RBKS: variants seen among roughly 807,000 people sequenced by gnomAD.
RBKS encodes ribokinase.
RBKS carries 33 observed loss-of-function variants against 33.9 expected under a neutral mutation model. That is an observed-to-expected ratio of 0.97 (90% confidence interval 0.74 to 1.30). RBKS has a LOEUF of 1.30. Among genes scored for constraint, RBKS ranks in the 50% most tolerant of loss-of-function variants. The pLI, the probability that RBKS is intolerant of heterozygous loss-of-function variation, is 0.00. For synonymous variants in RBKS, 125 were observed against 143.0 expected (o/e 0.87, Z 0.90); for missense variants, 361 against 392.6 (o/e 0.92, Z 0.68).
At chr2:27,840,835 T>A (rs1294418336) in intron 5 of RBKS, among the ~76,000 whole-genome samples, 1 of 152,136 alleles carries the variant, frequency 6.6e-6, no homozygotes, top group Admixed American at 6.5e-5. Context: ...AACCTCTCAG[T>A]CTCAGTCTTC....
chr2:27,872,174 T>C (rs6753234), intron 1 of RBKS, among the ~76,000 whole-genome samples: 12,480 of 152,204 alleles, frequency 0.082, 802 homozygotes, highest in African/African-American at 0.17. Flanking sequence ...TACTGGTCTG[T>C]GGCCCAGGGG....
In RBKS at chr2:27,832,795, A is replaced by AG; in HGVS notation, c.515-19dup. The AG allele has an allele frequency of 6.7e-7, 1 of 1,491,174 alleles. No individual in the cohort carries two copies. The highest frequency in any genetic ancestry group is 9.4e-7 in the Non-Finnish European group (1 of 1,068,092). 92.4% of individuals were successfully genotyped at this position (1,491,174 alleles called of 1,614,324 possible). A position where few individuals can be genotyped will look rare whatever the true frequency, so the allele number is the denominator to read the frequency against. On this transcript the variant is annotated intron_variant, in intron 5 of 7. Coordinates refer to ENST00000302188, the MANE Select transcript of RBKS (RefSeq NM_022128.3). ...GGTTTTCACTACAAAGGAATGGAAA[A>AG]GGGGGTTATTATTAGTTTTCATTTT...
chr2:27,854,598 C>T (rs1282044330), intron 2 of RBKS, among the ~76,000 whole-genome samples: 3 of 152,156 alleles, frequency 2.0e-5, no homozygotes, highest in Non-Finnish European at 4.4e-5. Context: ...ATTCCCCACC[C>T]TTTTTCCAAA....
chr2:27,853,631 C>T (rs754457452), intron 2 of RBKS, among the ~76,000 whole-genome samples: 4 of 152,088 alleles, frequency 2.6e-5, no homozygotes, highest in East Asian at 1.9e-4. Context: ...GCACTCTAGC[C>T]TGGGCAACAG....
At position 27,843,109 on chromosome 2, in the gene RBKS, C is replaced by A; in HGVS notation, c.472G>T (p.Ala158Ser). ...VMVCQLEITP[A>S]TSLEALTMAR... Reference sequence around the variant, plus strand: ...ATTGTTAGGGCTTCCAAAGAAGTTGCTGGAGTTATTTCGAGCTGGCAGACC... The same window carrying A: ...ATTGTTAGGGCTTCCAAAGAAGTTGATGGAGTTATTTCGAGCTGGCAGACC... Residue 158 changes from alanine to serine, a missense_variant, in exon 5 of 8, where the codon GCA becomes TCA. Ala to Ser is a moderately conservative substitution (Grantham distance 99). Transcript: ENST00000302188. 6.2e-7 allele frequency: 1 copy of A among 1,609,916 alleles called. No individual in the cohort carries two copies. Among genetic ancestry groups the A allele is most frequent in the Non-Finnish European group, 8.5e-7 (1 of 1,177,866 alleles).
chr2:27,807,207 AGT>A (rs1200845499), intron 7 of RBKS, among the ~76,000 whole-genome samples: 1 of 152,228 alleles, frequency 6.6e-6, no homozygotes, highest in Non-Finnish European at 1.5e-5. Context: ...AATTCTCACA[AGT>A]GTACAGGAAC....
intron 7 of RBKS, among the ~76,000 whole-genome samples, chr2:27,784,044 C>T (rs1336810601): frequency 1.1e-5 from 1 of 87,508 alleles, no homozygotes; most frequent in Non-Finnish European, 2.0e-5. Context: ...AGTGCAGTGG[C>T]GGGATCTCGG....
At chr2:27,803,027 T>G (rs547907025) in intron 7 of RBKS, among the ~76,000 whole-genome samples, 140 of 152,332 alleles carry the variant, frequency 9.2e-4, no homozygotes, top group African/African-American at 3.3e-3. Flanking sequence ...ACAGAGTCTC[T>G]CTTTGTTGCC....
chr2:27,887,091 TAAAG>T (rs778864052), intron 1 of RBKS, among the ~76,000 whole-genome samples: 8 of 152,204 alleles, frequency 5.3e-5, no homozygotes, highest in Non-Finnish European at 7.3e-5. Context: ...CACCATAAAA[TAAAG>T]AGATTATTCT....
intron 7 of RBKS, chr2:27,782,558 C>G: frequency 2.2e-6 from 1 of 452,516 alleles, no homozygotes; most frequent in South Asian, 1.6e-5. Context: ...GGGATATGTC[C>G]GTTTTTCTTA....
intron 1 of RBKS, among the ~76,000 whole-genome samples, chr2:27,887,493 G>A (rs998244050): frequency 4.6e-5 from 7 of 152,282 alleles, no homozygotes; most frequent in African/African-American, 1.7e-4. Context: ...AACTAGAAAA[G>A]TTGCACCCAA....
At chr2:27,872,181 G>C (rs1215547782) in intron 1 of RBKS, among the ~76,000 whole-genome samples, 1 of 152,114 alleles carries the variant, frequency 6.6e-6, no homozygotes, top group Non-Finnish European at 1.5e-5. Context: ...CTGTGGCCCA[G>C]GGGTTGGGGA....
chr2:27,834,846 T>A (rs536990323), intron 5 of RBKS, among the ~76,000 whole-genome samples: 33 of 152,316 alleles, frequency 2.2e-4, no homozygotes, highest in Admixed American at 9.8e-4. Flanking sequence ...AGATGCATGA[T>A]CCTGTAATTC....
intron 2 of RBKS, among the ~76,000 whole-genome samples, chr2:27,851,189 A>G (rs1663739010): frequency 1.3e-5 from 2 of 152,198 alleles, no homozygotes; most frequent in Admixed American, 6.5e-5. Flanking sequence ...GGATATATCA[A>G]TAGAAAGAAA....
chr2:27,831,930 A>C (rs1286520954), intron 6 of RBKS, among the ~76,000 whole-genome samples: 1 of 152,196 alleles, frequency 6.6e-6, no homozygotes, highest in Non-Finnish European at 1.5e-5. Context: ...CAAAAAGTAG[A>C]AATTTAACTA....
At chr2:27,855,026 C>T (rs1663827773) in intron 2 of RBKS, among the ~76,000 whole-genome samples, 1 of 152,128 alleles carries the variant, frequency 6.6e-6, no homozygotes, top group Admixed American at 6.5e-5. Flanking sequence ...AGGTAGATCT[C>T]AAGTTAAGTG....
At chr2:27,809,788 TAC>T (rs1214407142) in intron 7 of RBKS, 5 of 444,180 alleles carry the variant, frequency 1.1e-5, no homozygotes, top group Non-Finnish European at 1.9e-5. Context: ...TGCTAAATAA[TAC>T]AGAGCTACCA....
Position 27,827,624 on chromosome 2 carries a change from CTG to C in RBKS, c.736_737del (p.Gln246AspfsTer4). 2 of 1,613,016 alleles carry C rather than the reference CTG, an allele frequency of 1.2e-6. No homozygotes were observed. Among genetic ancestry groups the C allele is most frequent in the Non-Finnish European group, 1.7e-6 (2 of 1,179,610 alleles). ...GAATGTGCTTTGGCTCAGGTTCTGT[CTG>C]TGACAGCACCACACATCCTTCAGCC... ...LGAEGCVVLS[Q>X]TEPEPKHIPT... On this transcript the variant is annotated frameshift_variant, in exon 7 of 8. Coordinates refer to ENST00000302188, the MANE Select transcript of RBKS (RefSeq NM_022128.3). LOFTEE classifies it high-confidence loss of function.
chr2:27,823,117 G>A (rs976653233), intron 7 of RBKS, among the ~76,000 whole-genome samples: 24 of 152,264 alleles, frequency 1.6e-4, no homozygotes, highest in African/African-American at 5.8e-4. Context: ...CATTCAGGTT[G>A]GAAGAAGAGA....
Sources: gnomAD v4.1 joint callset for allele counts (sites outside exome capture counted in the v4.1 genomes callset) on GRCh38, gnomAD v4.1.1 for gene constraint, MANE v1.5 for transcripts, NCBI Gene and HGNC (gene_info 2026-07-23, HGNC 2026-07-21) for gene names.